RERE: variants seen among roughly 807,000 people sequenced by gnomAD.
RERE encodes the protein arginine-glutamic acid dipeptide repeats protein.
Under a neutral mutation model 146.1 loss-of-function variants are expected in RERE, and 40 were observed. That is an observed-to-expected ratio of 0.27 (90% CI 0.21 to 0.36). The LOEUF (loss-of-function observed/expected upper bound fraction) is 0.36. RERE is among the 10% of genes least tolerant of loss of function. The probability of loss-of-function intolerance (pLI) is 1.00; values close to 1 mark genes in which losing one functional copy is unlikely to be tolerated. For missense variants in RERE, 1,933 were observed against 2,138.7 expected (o/e 0.90, Z 1.90); for synonymous variants, 1,003 against 866.0 (o/e 1.16, Z -2.78).
intron 10 of RERE, among the ~76,000 whole-genome samples, chr1:8,472,734 G>A (rs1215359602): frequency 1.3e-5 from 2 of 152,136 alleles, no homozygotes; most frequent in Non-Finnish European, 2.9e-5. Flanking sequence ...TACAATCTTT[G>A]AAAGCTAGGG....
At chr1:8,748,122 A>C (rs376585252) in intron 1 of RERE, among the ~76,000 whole-genome samples, 3 of 152,164 alleles carry the variant, frequency 2.0e-5, no homozygotes, top group South Asian at 2.1e-4. Flanking sequence ...ACTACACATA[A>C]TTTCGTCTAA....
At position 8,510,370 on chromosome 1, in the gene RERE, T is replaced by A. The variant is rs562627787; in HGVS notation, c.831-1695A>T. Among the ~76,000 whole-genome samples the A allele has an allele frequency of 1.6e-4, 24 of 151,586 alleles. No individual in the cohort carries two copies. In the South Asian group the frequency reaches 5.0e-3, roughly 32 times the overall value. On this transcript the variant is annotated intron_variant, in intron 7 of 22. Transcript: ENST00000400908. ...AAGTAGAAATGAAAGCATGCAGAGG[T>A]GGCAGGCTGAAAGGGAGGGGCGGTG...
chr1:8,697,777 C>G (rs773649382), intron 1 of RERE, among the ~76,000 whole-genome samples: 1 of 152,126 alleles, frequency 6.6e-6, no homozygotes, highest in Non-Finnish European at 1.5e-5. Context: ...ATTCACTTTA[C>G]TAAGCAAATG....
chr1:8,742,272 C>T (rs1055722183), intron 1 of RERE, among the ~76,000 whole-genome samples: 5 of 152,188 alleles, frequency 3.3e-5, no homozygotes, highest in African/African-American at 1.2e-4. Context: ...TTCTAAAGCA[C>T]TCTGACCCAT....
At chr1:8,761,873 G>A (rs1000748048) in intron 1 of RERE, among the ~76,000 whole-genome samples, 1 of 152,024 alleles carries the variant, frequency 6.6e-6, no homozygotes, top group Non-Finnish European at 1.5e-5. Flanking sequence ...AGTGAGCCAA[G>A]ATCACGCCAT....
At chr1:8,613,919 A>G (rs558382464) in intron 4 of RERE, among the ~76,000 whole-genome samples, 144 of 152,354 alleles carry the variant, frequency 9.5e-4, no homozygotes, top group Non-Finnish European at 1.8e-3. Flanking sequence ...AACCCCTATG[A>G]TCACCCACAT....
intron 12 of RERE, among the ~76,000 whole-genome samples, chr1:8,366,756 T>A (rs941920707): frequency 6.6e-6 from 1 of 152,062 alleles, no homozygotes; most frequent in African/African-American, 2.4e-5. Context: ...GCAAGATACC[T>A]TTTTGGAAAT....
chr1:8,421,037 C>A (rs1278781345), intron 12 of RERE, among the ~76,000 whole-genome samples: 1 of 152,226 alleles, frequency 6.6e-6, no homozygotes, highest in Non-Finnish European at 1.5e-5. Context: ...AATTACCGAG[C>A]ATTTCCAAAT....
chr1:8,630,416 A>G lies in RERE; in HGVS notation c.326-6036T>C, dbSNP rs562774957. Among the ~76,000 whole-genome samples, 20 of 152,204 alleles carry G rather than the reference A, an allele frequency of 1.3e-4. No homozygotes were observed. In the East Asian group the frequency reaches 1.5e-3, roughly 12 times the overall value. On this transcript the variant is annotated intron_variant, in intron 2 of 22. Coordinates refer to ENST00000400908, the MANE Select transcript of RERE (RefSeq NM_001042681.2). Reference sequence around the variant, plus strand: ...CAGAGACATGGTTTAAAAAAAAAAGAAGAGAGAGATCCTAGCAAGAAAGTT... The same window carrying G: ...CAGAGACATGGTTTAAAAAAAAAAGGAGAGAGAGATCCTAGCAAGAAAGTT...
At chr1:8,608,323 G>GGA (rs1646747463) in intron 4 of RERE, among the ~76,000 whole-genome samples, 2 of 151,932 alleles carry the variant, frequency 1.3e-5, no homozygotes, top group Admixed American at 1.3e-4. Context: ...GGCAACATAG[G>GGA]GAGACCCTGT....
chr1:8,521,823 T>C (rs1201416186), intron 7 of RERE, among the ~76,000 whole-genome samples: 2 of 152,164 alleles, frequency 1.3e-5, no homozygotes, highest in Admixed American at 6.5e-5. Context: ...ATTCAACATA[T>C]TCATACCAAA....
chr1:8,600,327 C>G (rs972175931), intron 4 of RERE, among the ~76,000 whole-genome samples: 1 of 152,206 alleles, frequency 6.6e-6, no homozygotes, highest in Non-Finnish European at 1.5e-5. Flanking sequence ...TCAAGTCCTA[C>G]AGATTAAACA....
Position 8,361,059 on chromosome 1 carries a change from G to C in RERE, c.2448C>G (p.Pro816=), listed in dbSNP as rs374896119. The C allele has an allele frequency of 7.0e-6, 10 of 1,438,624 alleles. No homozygotes were observed. The highest frequency in any genetic ancestry group is 1.9e-4 in the Middle Eastern group (1 of 5,230). The allele number at this position is 1,438,624 out of a possible 1,614,324, so 89.1% of individuals were successfully genotyped here. The change falls in exon 18 of 23, where the codon CCC becomes CCG. Residue 816 remains proline, a synonymous_variant. Coordinates refer to ENST00000400908, the MANE Select transcript of RERE (RefSeq NM_001042681.2). ...GGGGATGTGGCGAGGGATGCGGCGG[G>C]GGATGCGGTGAGGGCGGCCGCTGGG... ...LHPQRPPSPH[P]PPHPSPHPPL...
rs141087489 is a variant in RERE, at chr1:8,592,462, G to C, written c.522+22099C>G. ...ATTTTTGTACTTTTTTGTAGAGATCGGGTTTCACCACGTTGCCCAGGCTTA... is the reference window on the plus strand; with the variant it reads ...ATTTTTGTACTTTTTTGTAGAGATCCGGTTTCACCACGTTGCCCAGGCTTA... On this transcript the variant is annotated intron_variant, in intron 4 of 22. Coordinates refer to ENST00000400908, the MANE Select transcript of RERE (RefSeq NM_001042681.2). Among the ~76,000 whole-genome samples, 8 of 152,108 alleles carry C rather than the reference G, an allele frequency of 5.3e-5. No homozygotes were observed. In the East Asian group the frequency reaches 1.6e-3, roughly 30 times the overall value.
At chr1:8,490,500 C>G (rs1644967035) in intron 10 of RERE, among the ~76,000 whole-genome samples, 2 of 150,324 alleles carry the variant, frequency 1.3e-5, no homozygotes, top group Non-Finnish European at 2.9e-5. Flanking sequence ...GTTGAAAAAA[C>G]TTTTATTTAT....
chr1:8,400,133 T>C (rs1391406836), intron 12 of RERE, among the ~76,000 whole-genome samples: 1 of 152,158 alleles, frequency 6.6e-6, no homozygotes, highest in Non-Finnish European at 1.5e-5. Flanking sequence ...TATATTTTCA[T>C]TTGCTCCACT....
intron 20 of RERE, among the ~76,000 whole-genome samples, chr1:8,357,605 A>G (rs956001780): frequency 6.6e-6 from 1 of 152,118 alleles, no homozygotes; most frequent in Non-Finnish European, 1.5e-5. Flanking sequence ...CTGCAGAGGG[A>G]GTGAGGATGC....
chr1:8,356,909 G>A lies in RERE; in HGVS notation c.4340-663C>T, dbSNP rs1438004529. On this transcript the variant is annotated intron_variant, in intron 20 of 22. Coordinates refer to ENST00000400908, the MANE Select transcript of RERE (RefSeq NM_001042681.2). The surrounding 1 kb of genome is among the most constrained non-coding windows in gnomAD (Gnocchi z 5.2). Reference sequence around the variant, plus strand: ...CCATGCTGCCCTGGGGTCCCTGGAAGATTGGGAGCCCCCGCTCTGCCTCTG... The same window carrying A: ...CCATGCTGCCCTGGGGTCCCTGGAAAATTGGGAGCCCCCGCTCTGCCTCTG... 1.3e-5 allele frequency among the ~76,000 whole-genome samples: 2 copies of A among 152,172 alleles called. No homozygotes were observed. The highest frequency in any genetic ancestry group is 3.9e-4 in the East Asian group (2 of 5,192).
chr1:8,539,021 A>G (rs1359674012), intron 7 of RERE, among the ~76,000 whole-genome samples: 1 of 152,210 alleles, frequency 6.6e-6, no homozygotes, highest in Admixed American at 6.5e-5. Flanking sequence ...AACATGTATA[A>G]CTAACATTTG....
Sources: allele counts gnomAD v4.1 joint callset (sites outside exome capture counted in the v4.1 genomes callset), GRCh38; gene constraint gnomAD v4.1.1; non-coding constraint Gnocchi (gnomAD v3.1); transcripts MANE v1.5; gene names NCBI Gene and HGNC (gene_info 2026-07-23, HGNC 2026-07-21).